NEK2: variants seen among roughly 807,000 people sequenced by gnomAD.
NEK2 encodes NIMA related kinase 2, also known as serine/threonine-protein kinase Nek2.
A neutral mutation model predicts 54.1 loss-of-function variants in NEK2; 28 were observed. That is an observed-to-expected ratio of 0.52 (90% CI 0.38 to 0.71). NEK2 has a LOEUF of 0.71. Among genes scored for constraint, NEK2 ranks in the 30% least tolerant of loss-of-function variants. The probability of loss-of-function intolerance (pLI) is 0.00; values close to 1 mark genes in which losing one functional copy is unlikely to be tolerated. For missense variants in NEK2, 407 were observed against 531.5 expected (o/e 0.77, Z 2.30); for synonymous variants, 176 against 193.1 (o/e 0.91, Z 0.73).
At chr1:211,660,766 C>A (rs955034280), downstream of NEK2, 2 of 691,396 alleles carry the variant, frequency 2.9e-6, no homozygotes, top group African/African-American at 3.5e-5. Flanking sequence ...CTGATAGGAA[C>A]TCTGCAGGAA....
downstream of NEK2, chr1:211,660,089 G>GCTT: frequency 5.7e-6 from 1 of 176,078 alleles, no homozygotes; most frequent in Admixed American, 5.8e-5. Flanking sequence ...ACCACGCCCA[G>GCTT]CTGGAAAGTG....
chr1:211,674,493 A>T lies in NEK2; in HGVS notation c.117T>A (p.Leu39=), dbSNP rs1655513950. 1 of 1,611,622 alleles carries T rather than the reference A, an allele frequency of 6.2e-7. No individual in the cohort carries two copies. Among genetic ancestry groups the T allele is most frequent in the African/African-American group, 1.3e-5 (1 of 74,908 alleles). Reference sequence around the variant, plus strand: ...CAGCTTCTGTCATGGAGCCATAGTCAAGTTCTTTCCAAACTAATATCTGAA... The same window carrying T: ...CAGCTTCTGTCATGGAGCCATAGTCTAGTTCTTTCCAAACTAATATCTGAA... ...SDGKILVWKE[L]DYGSMTEAEK... The change falls in exon 2 of 8, where the codon CTT becomes CTA. Residue 39 remains leucine (L), a synonymous_variant. Transcript: ENST00000366999.
At chr1:211,668,697 G>A (rs1023636343) in intron 6 of NEK2, among the ~76,000 whole-genome samples, 29 of 152,168 alleles carry the variant, frequency 1.9e-4, no homozygotes, top group African/African-American at 7.0e-4. Flanking sequence ...TTTTAGACCT[G>A]GAATTCTGTT....
At chr1:211,668,301 C>T (rs538318489) in intron 6 of NEK2, among the ~76,000 whole-genome samples, 2 of 152,222 alleles carry the variant, frequency 1.3e-5, no homozygotes, top group South Asian at 2.1e-4. Flanking sequence ...AAATGAAGAA[C>T]CTCACTCTGT....
At chr1:211,667,405 T>C in intron 6 of NEK2, among the ~76,000 whole-genome samples, 174 bp from the exon 7 acceptor site, 1 of 152,202 alleles carries the variant, frequency 6.6e-6, no homozygotes, top group South Asian at 2.1e-4. Context: ...TTTAATTGAG[T>C]GTTTTAGTAG....
downstream of NEK2, among the ~76,000 whole-genome samples, chr1:211,658,366 T>C (rs1654924583): frequency 1.3e-5 from 2 of 152,150 alleles, 1 homozygote. Flanking sequence ...GAACACTTCA[T>C]AGGTCACTTT....
chr1:211,675,522 G>A lies in NEK2; in HGVS notation c.-43C>T. 1 of 1,550,384 alleles carries A rather than the reference G, an allele frequency of 6.5e-7. No individual in the cohort carries two copies. Among genetic ancestry groups the A allele is most frequent in the Non-Finnish European group, 8.9e-7 (1 of 1,124,604 alleles). ...AGTCGCGCTGCCTCACGCAGGTTGCGCCGCCAAGTGCGGAGCTCCAGGGAC... is the reference window on the plus strand; with the variant it reads ...AGTCGCGCTGCCTCACGCAGGTTGCACCGCCAAGTGCGGAGCTCCAGGGAC... On this transcript the variant is annotated 5_prime_UTR_variant, in exon 1 of 8. Transcript: ENST00000366999.
chr1:211,671,640 A>G (rs1416694046), intron 3 of NEK2, among the ~76,000 whole-genome samples: 1 of 152,244 alleles, frequency 6.6e-6, no homozygotes, highest in Non-Finnish European at 1.5e-5. Context: ...TCTAGTCCAC[A>G]TTTAAATGGA....
chr1:211,658,658 T>G (rs1239095271), downstream of NEK2: 1 of 414,616 alleles, frequency 2.4e-6, no homozygotes, highest in South Asian at 1.6e-5. Context: ...AGGCCAAGGC[T>G]ACATTGAGCT....
At chr1:211,672,937 C>T (rs1478317085) in intron 3 of NEK2, among the ~76,000 whole-genome samples, 1 of 152,068 alleles carries the variant, frequency 6.6e-6, no homozygotes, top group Non-Finnish European at 1.5e-5. Flanking sequence ...GACTAGGAAT[C>T]TGTCTTCATC....
At chr1:211,673,351 T>C (rs1655459165) in intron 3 of NEK2, 132 bp downstream of exon 3, 1 of 1,046,610 alleles carries the variant, frequency 9.6e-7, no homozygotes, top group Admixed American at 2.4e-5. Context: ...GAGGCAGAGA[T>C]TGCAGTGAGC....
chr1:211,658,581 C>A (rs1654935212), downstream of NEK2: 2 of 440,618 alleles, frequency 4.5e-6, no homozygotes, highest in Admixed American at 2.5e-5. Flanking sequence ...GAGTTCAAGA[C>A]CATCCTGGGC....
downstream of NEK2, among the ~76,000 whole-genome samples, chr1:211,658,329 T>G (rs1654924009): frequency 6.6e-6 from 1 of 152,134 alleles, no homozygotes; most frequent in Non-Finnish European, 1.5e-5. Context: ...TTAAAGGGAA[T>G]TTATTTGAGA....
chr1:211,671,600 G>A (rs1655395150), intron 3 of NEK2, among the ~76,000 whole-genome samples: 2 of 152,184 alleles, frequency 1.3e-5, no homozygotes, highest in African/African-American at 4.8e-5. Flanking sequence ...AAAAGAACTA[G>A]AGGAAATTTA....
At chr1:211,660,299 C>T (rs1472643934), downstream of NEK2, 1 of 455,328 alleles carries the variant, frequency 2.2e-6, no homozygotes, top group Non-Finnish European at 4.4e-6. Flanking sequence ...CTGTAACTGT[C>T]ATCCTCATAC....
rs1158156582 is a variant in NEK2 at position 211,675,557 on chromosome 1, C to T, written c.-78G>A. ...GCGGAGCTCCAGGGACCAGGAACTCCAGGGACCTGGATGGAGAAGCCCCCG... is the reference window on the plus strand; with the variant it reads ...GCGGAGCTCCAGGGACCAGGAACTCTAGGGACCTGGATGGAGAAGCCCCCG... On this transcript the variant is annotated 5_prime_UTR_variant, in exon 1 of 8. Coordinates refer to ENST00000366999, the MANE Select transcript of NEK2 (RefSeq NM_002497.4). 1.9e-5 allele frequency: 24 copies of T among 1,247,978 alleles called. No individual in the cohort carries two copies. Among genetic ancestry groups the T allele is most frequent in the Non-Finnish European group, 2.3e-5 (20 of 854,992 alleles). The allele number at this position is 1,247,978 out of a possible 1,614,324, so 77.3% of individuals were successfully genotyped here. A position where few individuals can be genotyped will look rare whatever the true frequency, so the allele number is the denominator to read the frequency against.
intron 1 of NEK2, 131 bp from the exon 2 acceptor site, chr1:211,674,644 C>A: frequency 1.5e-6 from 1 of 688,238 alleles, no homozygotes; most frequent in Non-Finnish European, 2.4e-6. Context: ...TAATTTAGTT[C>A]AATGAACTTA....
At chr1:211,675,333 G>A (rs758234009) in intron 1 of NEK2, 51 bp downstream of exon 1, 83 of 1,548,708 alleles carry the variant, frequency 5.4e-5, no homozygotes, top group Non-Finnish European at 6.9e-5. Context: ...CGCTCGCCCC[G>A]AGGCGACGAA....
chr1:211,661,246 C>T, downstream of NEK2: 2 of 680,782 alleles, frequency 2.9e-6, no homozygotes, highest in South Asian at 2.8e-5. Context: ...TTTTGATCTC[C>T]ATTCATTCTG....
Sources: allele counts gnomAD v4.1 joint callset (sites outside exome capture counted in the v4.1 genomes callset), GRCh38; gene constraint gnomAD v4.1.1; transcripts MANE v1.5; gene names NCBI Gene and HGNC (gene_info 2026-07-23, HGNC 2026-07-21).